Variants in FGF12 observed in about 807,000 individuals in gnomAD.
The protein encoded by FGF12 is fibroblast growth factor 12.
In FGF12, 14 loss-of-function variants were observed where a neutral mutation model predicts 23.6. The observed-to-expected ratio is 0.59, with a 90% CI of 0.39 to 0.93. The LOEUF (loss-of-function observed/expected upper bound fraction) is 0.93. Among genes scored for constraint, FGF12 ranks in the 40% least tolerant of loss-of-function variants. FGF12 has a pLI of 0.00. For missense variants in FGF12, 175 were observed against 217.8 expected, an observed-to-expected ratio of 0.80 and a Z score of 1.24; for synonymous variants, 62 against 77.3, an observed-to-expected ratio of 0.80 and a Z score of 1.04.
At chr3:192,271,887 G>C (rs938863076) in intron 4 of FGF12, among the ~76,000 whole-genome samples, 3 of 152,108 alleles carry the variant, frequency 2.0e-5, no homozygotes, top group Non-Finnish European at 4.4e-5. Flanking sequence ...AATTTCCCAG[G>C]CTACAGACTG....
intron 4 of FGF12, among the ~76,000 whole-genome samples, chr3:192,285,946 C>A (rs1714421429): frequency 6.6e-6 from 1 of 151,958 alleles, no homozygotes; most frequent in Admixed American, 6.6e-5. Flanking sequence ...TGGTGCCTGT[C>A]CCTGACGAGA....
At chr3:192,323,379 C>T (rs988360413) in intron 4 of FGF12, among the ~76,000 whole-genome samples, 1 of 152,112 alleles carries the variant, frequency 6.6e-6, no homozygotes, top group African/African-American at 2.4e-5. Flanking sequence ...ATTATCCAGC[C>T]ACAGAAAAGA....
chr3:192,548,844 A>G (rs1725560713), intron 2 of FGF12, among the ~76,000 whole-genome samples: 1 of 152,166 alleles, frequency 6.6e-6, no homozygotes. Flanking sequence ...AACCTAAAAA[A>G]TGGAAAGGAA....
intron 2 of FGF12, among the ~76,000 whole-genome samples, chr3:192,495,296 G>C (rs1723920926): frequency 6.6e-6 from 1 of 152,090 alleles, no homozygotes; most frequent in East Asian, 1.9e-4. Context: ...TTATATATAT[G>C]TATGTGAATA....
intron 2 of FGF12, among the ~76,000 whole-genome samples, chr3:192,494,514 G>A (rs1011672283): frequency 2.0e-5 from 3 of 152,188 alleles, no homozygotes; most frequent in East Asian, 3.9e-4. Flanking sequence ...GTCTTTACCT[G>A]TTCCTTCTGA....
chr3:192,380,490 T>C (rs897040032), intron 2 of FGF12, among the ~76,000 whole-genome samples: 6 of 152,162 alleles, frequency 3.9e-5, no homozygotes, highest in South Asian at 2.1e-4. Context: ...TGGTGGCTAA[T>C]AGAGTATAAG....
intron 4 of FGF12, among the ~76,000 whole-genome samples, chr3:192,225,468 C>A (rs1211068618): frequency 6.6e-6 from 1 of 152,038 alleles, no homozygotes; most frequent in Non-Finnish European, 1.5e-5. Context: ...TTATAAGCCT[C>A]CAATGAGGAT....
At chr3:192,446,337 T>C (rs1250275937) in intron 2 of FGF12, among the ~76,000 whole-genome samples, 2 of 152,188 alleles carry the variant, frequency 1.3e-5, no homozygotes, top group East Asian at 3.8e-4. Context: ...CAATTCAGTT[T>C]GCCTGAACTG....
At chr3:192,373,285 CA>C (rs1406354126) in intron 2 of FGF12, among the ~76,000 whole-genome samples, 70 of 129,070 alleles carry the variant, frequency 5.4e-4, no homozygotes, top group African/African-American at 2.2e-3. Flanking sequence ...AGGAAGCAAA[CA>C]TTTTTTTTTT....
At chr3:192,471,708 G>A (rs78080065) in intron 2 of FGF12, among the ~76,000 whole-genome samples, 1,601 of 152,242 alleles carry the variant, frequency 0.011, 24 homozygotes, top group African/African-American at 0.037. Context: ...AAGTGAGCTG[G>A]GATATTCTGA....
intron 2 of FGF12, among the ~76,000 whole-genome samples, chr3:192,524,152 C>T (rs1425224806): frequency 6.6e-6 from 1 of 152,216 alleles, no homozygotes; most frequent in East Asian, 1.9e-4. Context: ...CCCCTGCCCC[C>T]TTCCTAGTGC....
intron 4 of FGF12, among the ~76,000 whole-genome samples, chr3:192,275,639 A>G (rs1713737710): frequency 6.6e-6 from 1 of 152,204 alleles, no homozygotes; most frequent in African/African-American, 2.4e-5. Flanking sequence ...ATACAGGAAA[A>G]CACAATAGAA....
At chr3:192,300,787 G>C (rs564859604) in intron 4 of FGF12, among the ~76,000 whole-genome samples, 9 of 151,938 alleles carry the variant, frequency 5.9e-5, no homozygotes, top group African/African-American at 2.2e-4. Context: ...GAGGCCAAGG[G>C]GGGCTGAGCA....
intron 2 of FGF12, among the ~76,000 whole-genome samples, chr3:192,620,158 G>T (rs544642875): frequency 6.6e-6 from 1 of 151,986 alleles, no homozygotes; most frequent in Non-Finnish European, 1.5e-5. Flanking sequence ...CCTCCTCATC[G>T]AGGGGGACGT....
intron 4 of FGF12, among the ~76,000 whole-genome samples, chr3:192,308,291 A>G (rs1218906043): frequency 6.6e-6 from 1 of 152,230 alleles, no homozygotes; most frequent in Non-Finnish European, 1.5e-5. Flanking sequence ...TAGAGCACTC[A>G]AAAGTAATAG....
chr3:192,642,796 TTACTTG>T (rs1715854707), intron 2 of FGF12, among the ~76,000 whole-genome samples: 1 of 152,198 alleles, frequency 6.6e-6, no homozygotes, highest in Non-Finnish European at 1.5e-5. Flanking sequence ...GATGGGCCAT[TTACTTG>T]TAGCCCAAAG....
chr3:192,250,596 G>A (rs1711942237), intron 4 of FGF12, among the ~76,000 whole-genome samples: 1 of 151,930 alleles, frequency 6.6e-6, no homozygotes, highest in Non-Finnish European at 1.5e-5. Context: ...CCTAATTGCT[G>A]CTAACAATAA....
chr3:192,363,985 G>A (rs1418412723), intron 2 of FGF12, among the ~76,000 whole-genome samples: 1 of 152,176 alleles, frequency 6.6e-6, no homozygotes, highest in East Asian at 1.9e-4. Context: ...TGATAAATAA[G>A]GAAGTGAATC....
In FGF12 at chr3:192,264,099, A is replaced by T. The variant is rs144886225; in HGVS notation, c.228+71262T>A. ...AATCAAATGAATCAATCCTCCCATCAAGTAAACTAATATCTCATTATGACT... is the reference window on the plus strand; with the variant it reads ...AATCAAATGAATCAATCCTCCCATCTAGTAAACTAATATCTCATTATGACT... On this transcript the variant is annotated intron_variant, in intron 4 of 5. Coordinates refer to ENST00000445105, the MANE Select transcript of FGF12 (RefSeq NM_004113.6). 7.0e-3 allele frequency among the ~76,000 whole-genome samples: 1,072 copies of T among 152,182 alleles called. 8 individuals are homozygous for T. Among genetic ancestry groups the T allele is most frequent in the African/African-American group, 0.025 (1,037 of 41,540 alleles).
Sources: gnomAD v4.1 joint callset for allele counts (sites outside exome capture counted in the v4.1 genomes callset) on GRCh38, gnomAD v4.1.1 for gene constraint, MANE v1.5 for transcripts, NCBI Gene and HGNC (gene_info 2026-07-23, HGNC 2026-07-21) for gene names.